NOSIP: variants seen among roughly 807,000 people sequenced by gnomAD.
NOSIP encodes nitric oxide synthase-interacting protein.
NOSIP carries 25 observed loss-of-function variants against 36.4 expected under a neutral mutation model. The ratio of observed to expected loss-of-function variants is 0.69; its 90% CI spans 0.50 to 0.96. The LOEUF (loss-of-function observed/expected upper bound fraction) is 0.96, where lower values mean the gene tolerates loss of function less well. NOSIP is among the 40% of genes least tolerant of loss of function. The pLI is 0.00. For synonymous variants in NOSIP, 187 were observed against 179.2 expected (o/e 1.04, Z -0.35); for missense variants, 370 against 429.0 (o/e 0.86, Z 1.21).
At chr19:49,573,388 C>T (rs938807894) in intron 1 of NOSIP, among the ~76,000 whole-genome samples, 2 of 152,198 alleles carry the variant, frequency 1.3e-5, no homozygotes, top group African/African-American at 4.8e-5. Context: ...TTGCACTTGA[C>T]CGTGCCCTGA....
At position 49,560,023 on chromosome 19, in the gene NOSIP, C is replaced by G; in HGVS notation, c.87G>C (p.Gly29=). The change falls in exon 3 of 9, where the codon GGG becomes GGC. Residue 29 remains glycine (G), a synonymous_variant. Coordinates refer to ENST00000596358, the MANE Select transcript of NOSIP (RefSeq NM_001270960.2). This position sits in a 1 kb window ranked among gnomAD's most constrained non-coding sequence, Gnocchi z 4.6. ...CCCGGCTCAGTCGAATGTTCTGGGT[C>G]CCATAGCCCGAGGCCGCTGGGGACA... is the stretch of plus-strand genomic sequence containing the variant. ...KKKDTAASGY[G]TQNIRLSRDA... The G allele has an allele frequency of 1.2e-6, 2 of 1,613,560 alleles. No homozygotes were observed. The highest frequency in any genetic ancestry group is 3.3e-4 in the Middle Eastern group (2 of 6,054).
intron 1 of NOSIP, chr19:49,579,081 G>T (rs1021860613): frequency 6.6e-6 from 1 of 152,164 alleles, no homozygotes; most frequent in Non-Finnish European, 1.5e-5. Flanking sequence ...CCAAAGTGGA[G>T]TGGAAGGGGG....
intron 1 of NOSIP, among the ~76,000 whole-genome samples, chr19:49,568,792 A>G (rs1354725273): frequency 7.3e-6 from 1 of 137,678 alleles, no homozygotes; most frequent in East Asian, 2.0e-4. Flanking sequence ...AAAAAAAAAA[A>G]AAATAGTTTG....
At chr19:49,568,871 C>T (rs1166207695) in intron 1 of NOSIP, among the ~76,000 whole-genome samples, 17 of 149,064 alleles carry the variant, frequency 1.1e-4, no homozygotes, top group Non-Finnish European at 1.9e-4. Context: ...GGCGCAATCT[C>T]GGCTCACTGC....
chr19:49,577,519 G>A (rs1310171661), intron 1 of NOSIP, among the ~76,000 whole-genome samples: 1 of 149,714 alleles, frequency 6.7e-6, no homozygotes, highest in African/African-American at 2.5e-5. Flanking sequence ...CAGCCTGGGT[G>A]ACAGAGCAAG....
intron 1 of NOSIP, among the ~76,000 whole-genome samples, chr19:49,573,204 C>T (rs78063993): frequency 0.013 from 2,046 of 152,276 alleles, 34 homozygotes; most frequent in African/African-American, 0.046. Context: ...TGACCATCCA[C>T]TGTGCCAGCT....
chr19:49,573,439 A>G (rs1019225077), intron 1 of NOSIP, among the ~76,000 whole-genome samples: 3 of 152,062 alleles, frequency 2.0e-5, no homozygotes, highest in African/African-American at 7.2e-5. Context: ...TTTCGGCTCC[A>G]GAGTAGGGGC....
rs775828579 is a variant in NOSIP, at chr19:49,555,771, G to A, written c.886C>T (p.Arg296Trp). The A allele has an allele frequency of 1.2e-6, 2 of 1,613,562 alleles. No homozygotes were observed. The highest frequency in any genetic ancestry group is 8.5e-7 in the Non-Finnish European group (1 of 1,179,800). ...SGVKLQAEKS[R>W]PVMQA ...CACACTCAGGCCTGCATCACCGGCC[G>A]TGATTTCTCCGCTTGCAGCTTCACT... Residue 296 changes from arginine (R) to tryptophan (W), a missense_variant, in exon 9 of 9, where the codon CGG becomes TGG. Arg to Trp is a moderately radical substitution (Grantham distance 101, BLOSUM62 -3). This residue lies in a region of NOSIP where 18 missense variants were observed against 36.9 expected (regional missense o/e 0.49). Coordinates refer to ENST00000596358, the MANE Select transcript of NOSIP (RefSeq NM_001270960.2).
intron 1 of NOSIP, among the ~76,000 whole-genome samples, chr19:49,562,144 G>A (rs902522698): frequency 4.6e-5 from 7 of 151,972 alleles, no homozygotes; most frequent in African/African-American, 1.7e-4. Flanking sequence ...TTTTTGAGAC[G>A]GAGTTTCACT....
chr19:49,565,796 C>CG lies in NOSIP; in HGVS notation c.-1-5105dup, dbSNP rs1304711856. 4.7e-5 allele frequency among the ~76,000 whole-genome samples: 7 copies of CG among 149,752 alleles called. No individual in the cohort carries two copies. In the South Asian group the frequency reaches 1.1e-3, roughly 23 times the overall value. On this transcript the variant is annotated intron_variant, in intron 1 of 8. Transcript: ENST00000596358. ...AAGAAAGAAAGAAAGAAATTAATGG[C>CG]GGGGGAACCCCCACTCCATCTTGGA... is the stretch of plus-strand genomic sequence containing the variant.
chr19:49,559,282 A>C, intron 3 of NOSIP: 1 of 295,072 alleles, frequency 3.4e-6, no homozygotes. Context: ...CTCAGCAACA[A>C]TGTGTGCCAC....
At chr19:49,559,091 T>C in intron 3 of NOSIP, 113 bp from the exon 4 acceptor site, 1 of 823,296 alleles carries the variant, frequency 1.2e-6, no homozygotes, top group South Asian at 1.4e-5. Context: ...GTTCAATTAT[T>C]TGCTAGAATT....
At chr19:49,559,579 A>G in intron 3 of NOSIP, 1 of 246,240 alleles carries the variant, frequency 4.1e-6, no homozygotes, top group Non-Finnish European at 8.0e-6. Context: ...TCTACAAAAT[A>G]TACCACTAAT....
At chr19:49,567,122 CTTT>C (rs1234750784) in intron 1 of NOSIP, among the ~76,000 whole-genome samples, 2 of 108,324 alleles carry the variant, frequency 1.8e-5, no homozygotes, top group Non-Finnish European at 1.9e-5. Context: ...AGCCAAAAAA[CTTT>C]TTTTTTTTTT....
intron 1 of NOSIP, among the ~76,000 whole-genome samples, chr19:49,567,588 G>C (rs1485621952): frequency 6.6e-6 from 1 of 152,174 alleles, no homozygotes; most frequent in African/African-American, 2.4e-5. Flanking sequence ...GCACCATGCT[G>C]TGGAAAATGT....
intron 1 of NOSIP, among the ~76,000 whole-genome samples, chr19:49,565,364 T>G (rs1340679157): frequency 6.6e-6 from 1 of 151,978 alleles, no homozygotes; most frequent in Non-Finnish European, 1.5e-5. Context: ...GAATGTTGTT[T>G]CTTGATCTGG....
Position 49,556,976 on chromosome 19 carries a change from G to T in NOSIP, c.436C>A (p.Pro146Thr). 1 of 1,609,782 alleles carries T rather than the reference G, an allele frequency of 6.2e-7. No homozygotes were observed. Residue 146 changes from proline to threonine, a missense_variant, in exon 6 of 9, where the codon CCC becomes ACC. Pro to Thr is a conservative substitution (Grantham distance 38). Coordinates refer to ENST00000596358, the MANE Select transcript of NOSIP (RefSeq NM_001270960.2). ...GTSPDDVQPG[P>T]SVGPPSKDKD... ...TCCTTACTTGGAGGACCCACACTGGGCCCAGGTTGGACATCATCTGTGGGG... is the reference window on the plus strand; with the variant it reads ...TCCTTACTTGGAGGACCCACACTGGTCCCAGGTTGGACATCATCTGTGGGG...
chr19:49,557,172 C>G lies in NOSIP; in HGVS notation c.336G>C (p.Arg112=). 5.0e-6 allele frequency: 8 copies of G among 1,611,282 alleles called. No individual in the cohort carries two copies. Among genetic ancestry groups the G allele is most frequent in the Non-Finnish European group, 6.8e-6 (8 of 1,179,052 alleles). Residue 112 remains arginine, a synonymous_variant, in exon 5 of 9, where the codon CGG becomes CGC. Coordinates refer to ENST00000596358, the MANE Select transcript of NOSIP (RefSeq NM_001270960.2). ...TAGCCGACTCCTTCTCCAGGAAGCC[C>G]CGCACATGGTCCTGCGAGGCCGCCC... ...LQRAASQDHV[R]GFLEKESAIV... is the part of the protein sequence containing the mutation.
chr19:49,562,240 G>T (rs145052569), intron 1 of NOSIP, among the ~76,000 whole-genome samples: 1 of 152,260 alleles, frequency 6.6e-6, no homozygotes, highest in Non-Finnish European at 1.5e-5. Flanking sequence ...TCCTGCCTCA[G>T]CTTCCCAAAT....
Sources: gnomAD v4.1 joint callset for allele counts (sites outside exome capture counted in the v4.1 genomes callset) on GRCh38, gnomAD v4.1.1 for gene constraint, gnomAD v4.1.1 regional missense constraint, Gnocchi (gnomAD v3.1) non-coding constraint, MANE v1.5 for transcripts, NCBI Gene and HGNC (gene_info 2026-07-23, HGNC 2026-07-21) for gene names.